ZC3HAV1: variants seen among roughly 807,000 people sequenced by gnomAD.
The protein encoded by ZC3HAV1 is zinc finger CCCH-type antiviral protein 1.
ZC3HAV1 carries 41 observed loss-of-function variants against 86.6 expected under a neutral mutation model. The ratio of observed to expected loss-of-function variants is 0.47; its 90% CI spans 0.37 to 0.61. ZC3HAV1 has a LOEUF of 0.61. Ranked by LOEUF, ZC3HAV1 falls within the 20% of genes least tolerant of loss-of-function variation. The pLI, the probability that ZC3HAV1 is intolerant of heterozygous loss-of-function variation, is 0.00. For missense variants in ZC3HAV1, 964 were observed against 1,141.1 expected (o/e 0.84, Z 2.24); for synonymous variants, 421 against 432.1 (o/e 0.97, Z 0.32).
At chr7:139,051,405 AT>A (rs58931897) in intron 12 of ZC3HAV1, among the ~76,000 whole-genome samples, 6,215 of 133,052 alleles carry the variant, frequency 0.047, 340 homozygotes, top group African/African-American at 0.15. Flanking sequence ...CAATCATTTA[AT>A]TTTTTTTTTT....
At chr7:139,070,924 G>A (rs1163059313) in intron 7 of ZC3HAV1, among the ~76,000 whole-genome samples, 2 of 152,004 alleles carry the variant, frequency 1.3e-5, no homozygotes, top group East Asian at 3.9e-4. Context: ...AGAGGCTGCA[G>A]TGAGCCGAGA....
chr7:139,104,682 C>T (rs1375217056), intron 1 of ZC3HAV1, among the ~76,000 whole-genome samples: 2 of 131,878 alleles, frequency 1.5e-5, no homozygotes, highest in East Asian at 4.5e-4. Context: ...GAGATCACGC[C>T]ACTGCACTCC....
intron 9 of ZC3HAV1, chr7:139,060,247 C>T: frequency 1.0e-6 from 1 of 985,298 alleles, no homozygotes. Context: ...ACCAAAAGAA[C>T]CTAGTTAGAA....
At chr7:139,057,235 G>A (rs1366775805) in intron 9 of ZC3HAV1, among the ~76,000 whole-genome samples, 1 of 152,032 alleles carries the variant, frequency 6.6e-6, no homozygotes, top group Non-Finnish European at 1.5e-5. Context: ...GTGCACGGCT[G>A]TAGTTGCAGC....
rs749513554 is a variant in ZC3HAV1 at position 139,047,703 on chromosome 7, C to A, written c.2600G>T (p.Cys867Phe). The change falls in exon 13 of 13, where the codon TGT (cysteine) becomes TTT (phenylalanine). Residue 867 changes from cysteine (C) to phenylalanine (F), a missense_variant. Physicochemically the swap from Cys to Phe is radical, Grantham distance 205. Coordinates refer to ENST00000242351, the MANE Select transcript of ZC3HAV1 (RefSeq NM_020119.4). The part of the protein sequence containing the change: ...YTSPPPQFDS[C>F]VDTRSNPSVF... The stretch of plus-strand genomic sequence containing the variant: ...GGAGGGATTCGATCTGGTATCCACA[C>A]AGCTGTCGAACTGTGGAGGAGGGCT... 5.6e-6 allele frequency: 9 copies of A among 1,614,004 alleles called. No individual in the cohort carries two copies. The Admixed American group carries it at 1.5e-4, about 27-fold the overall frequency.
At chr7:139,048,611 CTAA>C (rs1294366131) in intron 12 of ZC3HAV1, among the ~76,000 whole-genome samples, 1 of 152,056 alleles carries the variant, frequency 6.6e-6, no homozygotes, top group African/African-American at 2.4e-5. Context: ...TCAAAAAATA[CTAA>C]TAATATTTTC....
intron 6 of ZC3HAV1, among the ~76,000 whole-genome samples, chr7:139,075,751 T>C (rs535767790): frequency 1.7e-4 from 26 of 152,220 alleles, no homozygotes; most frequent in Admixed American, 3.3e-4. Context: ...GAAGCAGAAA[T>C]GTAAGGTACC....
chr7:139,072,735 G>T (rs751057601), intron 7 of ZC3HAV1, among the ~76,000 whole-genome samples: 19 of 152,070 alleles, frequency 1.2e-4, no homozygotes, highest in Non-Finnish European at 2.5e-4. Flanking sequence ...TCTAAATCCA[G>T]ACTCTGAATG....
At chr7:139,093,509 AAAG>A (rs1214445651) in intron 1 of ZC3HAV1, among the ~76,000 whole-genome samples, 1 of 152,180 alleles carries the variant, frequency 6.6e-6, no homozygotes, top group Non-Finnish European at 1.5e-5. Flanking sequence ...AAGAATCACA[AAAG>A]AAGTGAAAAT....
At chr7:139,052,601 G>A (rs1816163398) in intron 12 of ZC3HAV1, among the ~76,000 whole-genome samples, 1 of 107,856 alleles carries the variant, frequency 9.3e-6, no homozygotes, top group African/African-American at 3.7e-5. Flanking sequence ...GCGAAACTCT[G>A]TCTCCAAAAA....
intron 3 of ZC3HAV1, 49 bp downstream of exon 3, chr7:139,083,726 CAAAAA>C (rs34732980): frequency 2.9e-4 from 389 of 1,327,170 alleles, no homozygotes; most frequent in Admixed American, 4.9e-4. Flanking sequence ...GACTCTGTCT[CAAAAA>C]AAAAAAAAAA....
intron 4 of ZC3HAV1, 128 bp from the exon 5 acceptor site, chr7:139,078,781 T>C: frequency 1.3e-6 from 1 of 795,848 alleles, no homozygotes; most frequent in Non-Finnish European, 1.9e-6. Flanking sequence ...CTATGATTTA[T>C]GTTTTGCCCA....
At chr7:139,060,666 C>A (rs1816415854) in intron 9 of ZC3HAV1, 30 of 1,069,906 alleles carry the variant, frequency 2.8e-5, no homozygotes, top group Non-Finnish European at 3.4e-5. Context: ...CAAAGTGAGA[C>A]CCCCTCTAAA....
intron 1 of ZC3HAV1, among the ~76,000 whole-genome samples, chr7:139,103,766 T>TGGAATAGGTAACTGAACTGAATA (rs1242819978): frequency 2.0e-5 from 3 of 152,238 alleles, no homozygotes; most frequent in Non-Finnish European, 2.9e-5. Flanking sequence ...AACTGAACTG[T>TGGAATAGGTAACTGAACTGAATA]GGTATAAATC....
intron 1 of ZC3HAV1, among the ~76,000 whole-genome samples, chr7:139,104,452 G>T (rs971289532): frequency 1.3e-5 from 2 of 152,256 alleles, no homozygotes; most frequent in East Asian, 3.9e-4. Context: ...GGTGGCTCAC[G>T]CCTGTAATCC....
intron 1 of ZC3HAV1, among the ~76,000 whole-genome samples, chr7:139,098,655 A>C (rs2130732524): frequency 6.6e-6 from 1 of 152,324 alleles, no homozygotes; most frequent in East Asian, 1.9e-4. Flanking sequence ...TAAATAAATA[A>C]GTAAATACAA....
Position 139,046,755 on chromosome 7 carries a change from T to C in ZC3HAV1, c.*839A>G, listed in dbSNP as rs1238567315. 2 of 152,258 alleles carry C rather than the reference T, an allele frequency of 1.3e-5. No individual in the cohort carries two copies. The highest frequency in any genetic ancestry group is 2.4e-5 in the African/African-American group (1 of 41,452). The allele number at this position is 152,258 out of a possible 1,614,324, so 9.4% of individuals were successfully genotyped here. ...AATTTTACTTTTTTTTCCCCTAGCA[T>C]GTCCTTAAGCATTTTCTCCCCAGCT... On this transcript the variant is annotated 3_prime_UTR_variant, in exon 13 of 13. Transcript: ENST00000242351.
In ZC3HAV1 at chr7:139,079,455, T is replaced by C. The variant is rs745336549; in HGVS notation, c.1471+15A>G. 2.5e-6 allele frequency: 4 copies of C among 1,613,972 alleles called. No individual in the cohort carries two copies. In the Admixed American group the frequency reaches 6.7e-5, roughly 27 times the overall value. On this transcript the variant is annotated intron_variant, in intron 4 of 12. Coordinates refer to ENST00000242351, the MANE Select transcript of ZC3HAV1 (RefSeq NM_020119.4). ...ACAAATGTACTAGCCCAAAGTGTCT[T>C]CCCTTTGTATTTACCGTTAACAAGT...
chr7:139,087,760 G>C (rs1817312151), intron 2 of ZC3HAV1, among the ~76,000 whole-genome samples: 1 of 152,066 alleles, frequency 6.6e-6, no homozygotes, highest in Non-Finnish European at 1.5e-5. Flanking sequence ...TGGGTGCAGT[G>C]GCTCGCACCT....
Sources: gnomAD v4.1 joint callset for allele counts (sites outside exome capture counted in the v4.1 genomes callset) on GRCh38, gnomAD v4.1.1 for gene constraint, MANE v1.5 for transcripts, NCBI Gene and HGNC (gene_info 2026-07-23, HGNC 2026-07-21) for gene names.